CNGB1: variants seen among roughly 807,000 people sequenced by gnomAD.
The protein encoded by CNGB1 is cyclic nucleotide gated channel subunit beta 1.
A neutral mutation model predicts 151.7 loss-of-function variants in CNGB1; 126 were observed. The observed-to-expected ratio is 0.83, with a 90% CI of 0.72 to 0.96. The LOEUF (loss-of-function observed/expected upper bound fraction) is 0.96. Ranked by LOEUF, CNGB1 falls within the 40% of genes least tolerant of loss-of-function variation. CNGB1 has a pLI of 0.00. For missense variants in CNGB1, 1,698 were observed against 1,627.0 expected, an observed-to-expected ratio of 1.04 and a Z score of -0.75; for synonymous variants, 623 against 635.1, an observed-to-expected ratio of 0.98 and a Z score of 0.29.
chr16:57,923,431 G>GCAAAA (rs1961102994), intron 17 of CNGB1, 51 bp from the exon 18 acceptor site: 1 of 1,434,968 alleles, frequency 7.0e-7, no homozygotes, highest in East Asian at 2.3e-5. Flanking sequence ...AGAGGCCCCA[G>GCAAAA]GGAGAAGTGT....
chr16:57,884,165 T>C lies in CNGB1; in HGVS notation c.3755A>G (p.Ter1252=), dbSNP rs779965828. ...GCGCGGGATCCGCCTCACCCCACCT[T>C]ACTCCGCCTTCTCCTCCCTTTCCTC... ...MPEEREEKAE[*] Residue 1252 remains the stop codon, a stop_retained_variant, in exon 33 of 33, where the codon TAA becomes TGA. Coordinates refer to ENST00000251102, the MANE Select transcript of CNGB1 (RefSeq NM_001297.5). 6.2e-7 allele frequency: 1 copy of C among 1,614,004 alleles called. No homozygotes were observed. Among genetic ancestry groups the C allele is most frequent in the Admixed American group, 1.7e-5 (1 of 60,036 alleles).
intron 24 of CNGB1, 56 bp downstream of exon 24, chr16:57,912,874 T>G: frequency 6.5e-7 from 1 of 1,550,030 alleles, no homozygotes; most frequent in South Asian, 1.1e-5. Context: ...GCGTGTGTTG[T>G]GTGTTTGTGA....
intron 16 of CNGB1, chr16:57,937,130 C>G (rs1961533462): frequency 6.6e-6 from 1 of 152,630 alleles, no homozygotes; most frequent in African/African-American, 2.4e-5. Flanking sequence ...CTTGGCGAAG[C>G]TGGAGTTGGA....
rs1346391067 is a variant in CNGB1, at chr16:57,962,606, G to T, written c.417C>A (p.Cys139Ter). 4.3e-6 allele frequency: 7 copies of T among 1,613,802 alleles called. No homozygotes were observed. The highest frequency in any genetic ancestry group is 5.9e-6 in the Non-Finnish European group (7 of 1,179,950). ...LGHGSTGDTGCTDEPNEALEA... is the reference protein window; with the variant it reads ...LGHGSTGDTG ...CAAGGGCCTCATTGGGTTCATCTGT[G>T]CACCCTGCAGGGTCAGAAAATACAG... Residue 139 changes from cysteine (C) to a stop codon, truncating the protein, a stop_gained, in exon 7 of 33, where the codon TGC (cysteine) becomes TGA (stop). Coordinates refer to ENST00000251102, the MANE Select transcript of CNGB1 (RefSeq NM_001297.5). LOFTEE classifies it high-confidence loss of function.
At position 57,899,612 on chromosome 16, in the gene CNGB1, C is replaced by G. The variant is rs187894491; in HGVS notation, c.2977-1698G>C. The stretch of plus-strand genomic sequence containing the variant: ...CCGAGATAGTGCCACTGCACTCCAC[C>G]CTGGGAGAGAGAGTGGGACTTGGTC... On this transcript the variant is annotated intron_variant, in intron 29 of 32. Transcript: ENST00000251102. Among the ~76,000 whole-genome samples the G allele has an allele frequency of 7.4e-4, 113 of 151,958 alleles. No individual in the cohort carries two copies. The Middle Eastern group carries it at 0.01, about 14-fold the overall frequency.
chr16:57,914,402 C>T (rs1960807849), intron 23 of CNGB1, among the ~76,000 whole-genome samples: 1 of 152,238 alleles, frequency 6.6e-6, no homozygotes, highest in Non-Finnish European at 1.5e-5. Flanking sequence ...ATGCTCGATT[C>T]CACATAGGTG....
intron 7 of CNGB1, 28 bp from the exon 8 acceptor site, chr16:57,960,943 T>C (rs754624531): frequency 1.2e-6 from 2 of 1,611,752 alleles, no homozygotes; most frequent in Non-Finnish European, 1.7e-6. Context: ...ATCAGCAGAG[T>C]GCCCTGAGGG....
chr16:57,888,072 C>A lies in CNGB1; in HGVS notation c.3245G>T (p.Arg1082Leu), dbSNP rs777517690. 6.2e-6 allele frequency: 10 copies of A among 1,613,504 alleles called. No homozygotes were observed. Among genetic ancestry groups the A allele is most frequent in the South Asian group, 1.1e-5 (1 of 91,070 alleles). Residue 1082 changes from arginine (R) to leucine (L), a missense_variant and splice_region_variant, in exon 32 of 33, where the codon CGC (arginine) becomes CTC (leucine). Transcript: ENST00000251102. ...SQKLLRKKAR[R>L]MLRSNNKPKE... is the part of the protein sequence containing the mutation. ...GGGCTTATTGTTGCTTCTCAGCATGCGCCTGGAAGAAAGCAGCATCCATTG... is the reference window on the plus strand; with the variant it reads ...GGGCTTATTGTTGCTTCTCAGCATGAGCCTGGAAGAAAGCAGCATCCATTG...
intron 16 of CNGB1, 50 bp from the exon 17 acceptor site, chr16:57,931,928 T>C: frequency 6.3e-7 from 1 of 1,593,192 alleles, no homozygotes; most frequent in Middle Eastern, 1.9e-4. Flanking sequence ...AAAAGCTGGG[T>C]CCCAGGAGTC....
intron 29 of CNGB1, among the ~76,000 whole-genome samples, chr16:57,899,578 T>C (rs935056439): frequency 6.6e-6 from 1 of 152,122 alleles, no homozygotes; most frequent in Non-Finnish European, 1.5e-5. Context: ...AGGCGGAGGT[T>C]GCAGTGAGCC....
At chr16:57,890,495 A>G (rs1834318796) in intron 31 of CNGB1, among the ~76,000 whole-genome samples, 1 of 152,198 alleles carries the variant, frequency 6.6e-6, no homozygotes, top group South Asian at 2.1e-4. Flanking sequence ...GCTGATTGCT[A>G]CTAGCTGTCT....
At chr16:57,916,011 C>T (rs953719023) in intron 22 of CNGB1, 118 bp downstream of exon 22, 31 of 966,188 alleles carry the variant, frequency 3.2e-5, no homozygotes, top group Non-Finnish European at 5.1e-5. Context: ...CCACAGGGAC[C>T]AGCATCCCTC....
intron 25 of CNGB1, among the ~76,000 whole-genome samples, chr16:57,908,036 G>A (rs1960603042): frequency 6.6e-6 from 1 of 152,194 alleles, no homozygotes; most frequent in South Asian, 2.1e-4. Flanking sequence ...TTACGAGCGT[G>A]TACCACCATG....
Position 57,960,022 on chromosome 16 carries a change from G to T in CNGB1, c.627C>A (p.Ala209=). ...GTGTGGGCAGGGAGGGGGTCTCCCG[G>T]GCCTGCAGCTTGGGCCCCATTTCCT... ...RPQEMGPKLQ[A]RETPSLPTPI... Residue 209 remains alanine, a synonymous_variant, in exon 10 of 33, where the codon GCC becomes GCA. Coordinates refer to ENST00000251102, the MANE Select transcript of CNGB1 (RefSeq NM_001297.5). 6.4e-7 allele frequency: 1 copy of T among 1,574,198 alleles called. No homozygotes were observed.
Position 57,931,894 on chromosome 16 carries a change from G to A in CNGB1, c.1373-16C>T, listed in dbSNP as rs375237309. The A allele has an allele frequency of 6.2e-7, 1 of 1,613,816 alleles. No individual in the cohort carries two copies. Among genetic ancestry groups the A allele is most frequent in the Non-Finnish European group, 8.5e-7 (1 of 1,179,984 alleles). ...GTGGCAGGCACTGGGGGAGAGGAAG[G>A]AGAGGAGAAAGTCAGAGAGAGACAA... is the stretch of plus-strand genomic sequence containing the variant. On this transcript the variant is annotated splice_polypyrimidine_tract_variant and intron_variant, in intron 16 of 32. Transcript: ENST00000251102.
intron 29 of CNGB1, among the ~76,000 whole-genome samples, chr16:57,900,003 C>T (rs1414007164): frequency 6.6e-6 from 1 of 152,230 alleles, no homozygotes; most frequent in African/African-American, 2.4e-5. Context: ...GCATCACCCA[C>T]GAAGACAACA....
intron 17 of CNGB1, among the ~76,000 whole-genome samples, chr16:57,930,618 A>T (rs77746684): frequency 6.6e-6 from 1 of 152,054 alleles, no homozygotes; most frequent in Non-Finnish European, 1.5e-5. Flanking sequence ...AAATAAAAGA[A>T]CAAAGAAAAG....
In CNGB1 at chr16:57,912,998, G is replaced by C. The variant is rs764198766; in HGVS notation, c.2305-4C>G. The C allele has an allele frequency of 6.2e-7, 1 of 1,613,862 alleles. No homozygotes were observed. Among genetic ancestry groups the C allele is most frequent in the South Asian group, 1.1e-5 (1 of 91,076 alleles). The stretch of plus-strand genomic sequence containing the variant: ...TAAACTCGAAGAAGGCCATGTACTG[G>C]AGGGAGAGGAGGGCGTGAGAGCAGC... On this transcript the variant is annotated splice_region_variant and splice_polypyrimidine_tract_variant and intron_variant, in intron 23 of 32. Transcript: ENST00000251102.
intron 23 of CNGB1, among the ~76,000 whole-genome samples, chr16:57,914,165 C>T (rs557981100): frequency 1.5e-3 from 226 of 152,316 alleles, no homozygotes; most frequent in Middle Eastern, 6.8e-3. Context: ...AATGTTAGGC[C>T]TGTGAGTTTT....
Sources: gnomAD v4.1 joint callset for allele counts (sites outside exome capture counted in the v4.1 genomes callset) on GRCh38, gnomAD v4.1.1 for gene constraint, MANE v1.5 for transcripts, NCBI Gene and HGNC (gene_info 2026-07-23, HGNC 2026-07-21) for gene names.